ITGB6: variants seen among roughly 807,000 people sequenced by gnomAD.
The protein encoded by ITGB6 is integrin beta-6.
In ITGB6, 80 loss-of-function variants were observed where a neutral mutation model predicts 84.5. The ratio of observed to expected loss-of-function variants is 0.95; its 90% CI spans 0.79 to 1.14. The LOEUF (loss-of-function observed/expected upper bound fraction) is 1.14, where lower values mean the gene tolerates loss of function less well. Ranked by LOEUF, ITGB6 falls within the 50% of genes most tolerant of loss-of-function variation. The pLI, the probability that ITGB6 is intolerant of heterozygous loss-of-function variation, is 0.00. For synonymous variants in ITGB6, 383 were observed against 354.9 expected, an observed-to-expected ratio of 1.08 and a Z score of -0.89; for missense variants, 1,006 against 968.0, an observed-to-expected ratio of 1.04 and a Z score of -0.52.
At chr2:160,114,940 G>C (rs1412179694) in intron 12 of ITGB6, among the ~76,000 whole-genome samples, 3 of 152,242 alleles carry the variant, frequency 2.0e-5, no homozygotes, top group Non-Finnish European at 2.9e-5. Flanking sequence ...CGGCAGCGAG[G>C]CTGGGGGAGG....
intron 13 of ITGB6, among the ~76,000 whole-genome samples, chr2:160,111,741 G>A (rs1023175190): frequency 4.6e-5 from 7 of 151,628 alleles, no homozygotes; most frequent in African/African-American, 9.7e-5. Flanking sequence ...CACCATACCC[G>A]GCTAATTTTT....
intron 7 of ITGB6, among the ~76,000 whole-genome samples, chr2:160,158,883 G>T (rs1390620040): frequency 6.6e-6 from 1 of 152,156 alleles, no homozygotes; most frequent in Non-Finnish European, 1.5e-5. Flanking sequence ...GGTGGATCAT[G>T]AAGTCAGGAG....
At chr2:160,130,766 G>T (rs1382862573) in intron 10 of ITGB6, among the ~76,000 whole-genome samples, 1 of 152,062 alleles carries the variant, frequency 6.6e-6, no homozygotes, top group African/African-American at 2.4e-5. Context: ...ATGATAGAAA[G>T]AAATTCCATA....
At chr2:160,196,469 A>T (rs1686344294) in intron 2 of ITGB6, 49 bp from the exon 3 acceptor site, 4 of 1,488,146 alleles carry the variant, frequency 2.7e-6, no homozygotes, top group Non-Finnish European at 3.7e-6. Context: ...AACAAATCTG[A>T]ATTTCTTTAT....
chr2:160,190,216 AG>A (rs1403783388), intron 4 of ITGB6, among the ~76,000 whole-genome samples: 3 of 28,326 alleles, frequency 1.1e-4, no homozygotes, highest in African/African-American at 4.2e-4. Flanking sequence ...GGTTGGGGGG[AG>A]GGGGGAGGGT....
intron 8 of ITGB6, among the ~76,000 whole-genome samples, chr2:160,141,715 A>G (rs1465796100): frequency 2.0e-5 from 3 of 152,138 alleles, no homozygotes; most frequent in African/African-American, 7.2e-5. Context: ...TTTTGCGGCA[A>G]CAATGTTACT....
chr2:160,172,858 C>G (rs769809986), intron 5 of ITGB6, 128 bp from the exon 6 acceptor site: 10 of 656,824 alleles, frequency 1.5e-5, no homozygotes, highest in African/African-American at 7.1e-5. Context: ...GCCTTTTTAT[C>G]TATCGTGAAT....
intron 12 of ITGB6, among the ~76,000 whole-genome samples, chr2:160,116,976 T>C (rs1574045500): frequency 6.6e-6 from 1 of 151,634 alleles, no homozygotes; most frequent in East Asian, 1.9e-4. Context: ...ATCCTAAATA[T>C]ATATTCACCC....
intron 8 of ITGB6, among the ~76,000 whole-genome samples, chr2:160,140,570 G>A (rs7586660): frequency 0.12 from 18,124 of 152,152 alleles, 2,029 homozygotes; most frequent in East Asian, 0.29. Context: ...ATTGCTGTGT[G>A]ATTTTATTTG....
Position 160,138,212 on chromosome 2 carries a change from C to T in ITGB6, c.1108-13G>A. On this transcript the variant is annotated splice_polypyrimidine_tract_variant and intron_variant, in intron 8 of 14. Transcript: ENST00000283249. ...CAGACCGCAGTTCCTTTAGTTACAA[C>T]ATAAAGAGTTCAGTGAAGTCACAAC... The T allele has an allele frequency of 6.3e-7, 1 of 1,589,136 alleles. No individual in the cohort carries two copies. Among genetic ancestry groups the T allele is most frequent in the Non-Finnish European group, 8.5e-7 (1 of 1,171,570 alleles).
intron 6 of ITGB6, 48 bp downstream of exon 6, chr2:160,172,521 T>G (rs1685246851): frequency 3.3e-6 from 5 of 1,513,164 alleles, no homozygotes; most frequent in Non-Finnish European, 4.5e-6. Context: ...TGTTGCTTCG[T>G]TCTCCTACTT....
intron 4 of ITGB6, among the ~76,000 whole-genome samples, chr2:160,189,513 A>G (rs1369019068): frequency 9.2e-5 from 14 of 152,182 alleles, no homozygotes; most frequent in Non-Finnish European, 2.1e-4. Flanking sequence ...ACAAGAAAAA[A>G]ACAAACAACC....
At chr2:160,111,877 AC>A (rs1682533204) in intron 13 of ITGB6, among the ~76,000 whole-genome samples, 2 of 151,902 alleles carry the variant, frequency 1.3e-5, no homozygotes, top group South Asian at 4.2e-4. Context: ...ACCGTGCCCG[AC>A]CCTTATCTGG....
intron 7 of ITGB6, among the ~76,000 whole-genome samples, chr2:160,147,085 GAA>G (rs36051022): frequency 7.2e-5 from 3 of 41,540 alleles, no homozygotes; most frequent in Admixed American, 2.7e-4. Flanking sequence ...CCTTGCCTCA[GAA>G]AAAAAAAAAA....
At chr2:160,160,353 C>T (rs79457799) in intron 7 of ITGB6, among the ~76,000 whole-genome samples, 17 of 152,066 alleles carry the variant, frequency 1.1e-4, no homozygotes, top group African/African-American at 4.1e-4. Flanking sequence ...ACTTGACATT[C>T]GAATTTAACT....
chr2:160,179,022 T>C (rs1685553077), intron 4 of ITGB6: 4 of 152,120 alleles, frequency 2.6e-5, no homozygotes, highest in Admixed American at 2.6e-4. Context: ...TGTTACTTTC[T>C]TAGCCTACCA....
At chr2:160,166,283 C>T (rs56011055) in intron 7 of ITGB6, among the ~76,000 whole-genome samples, 19,343 of 152,136 alleles carry the variant, frequency 0.13, 2,381 homozygotes, top group East Asian at 0.45. Flanking sequence ...TTTCCAATTG[C>T]TGTGTTTCAG....
rs1210981000 is a variant in ITGB6, at chr2:160,100,855, T to C, written c.*881A>G. 1 of 152,222 alleles carries C rather than the reference T, an allele frequency of 6.6e-6. No homozygotes were observed. Among genetic ancestry groups the C allele is most frequent in the African/African-American group, 2.4e-5 (1 of 41,464 alleles). The allele number at this position is 152,222 out of a possible 1,614,324, so 9.4% of individuals were successfully genotyped here. A position where few individuals can be genotyped will look rare whatever the true frequency, so the allele number is the denominator to read the frequency against. On this transcript the variant is annotated 3_prime_UTR_variant, in exon 15 of 15. Coordinates refer to ENST00000283249, the MANE Select transcript of ITGB6 (RefSeq NM_000888.5). ...TGTTCCTTTTATATTATTGGATCGC[T>C]CTTTGAATAAACTAAGCATTTAAAG...
rs188617032 is a variant in ITGB6 at position 160,117,550 on chromosome 2, C to G, written c.1982-5351G>C. ...TGAAATTTATAGCACTAAATGCCCACAAGAGAAAGCAGGAAAGATCCAAAA... is the reference window on the plus strand; with the variant it reads ...TGAAATTTATAGCACTAAATGCCCAGAAGAGAAAGCAGGAAAGATCCAAAA... On this transcript the variant is annotated intron_variant, in intron 12 of 14. Coordinates refer to ENST00000283249, the MANE Select transcript of ITGB6 (RefSeq NM_000888.5). Among the ~76,000 whole-genome samples, 598 of 152,196 alleles carry G rather than the reference C, an allele frequency of 3.9e-3. 4 individuals are homozygous for G. Among genetic ancestry groups the G allele is most frequent in the African/African-American group, 0.013 (537 of 41,500 alleles).
Sources: allele counts gnomAD v4.1 joint callset (sites outside exome capture counted in the v4.1 genomes callset), GRCh38; gene constraint gnomAD v4.1.1; transcripts MANE v1.5; gene names NCBI Gene and HGNC (gene_info 2026-07-23, HGNC 2026-07-21).